The following PCDHGB7 variants were observed in gnomAD, a reference collection of about 807,000 sequenced individuals.
PCDHGB7 encodes the protein protocadherin gamma-B7.
PCDHGB7 carries 37 observed loss-of-function variants against 61.4 expected under a neutral mutation model. That is an observed-to-expected ratio of 0.60 (90% CI 0.46 to 0.79). PCDHGB7 has a LOEUF of 0.79. PCDHGB7 is among the 30% of genes least tolerant of loss of function. The pLI, the probability that PCDHGB7 is intolerant of heterozygous loss-of-function variation, is 0.00. For synonymous variants in PCDHGB7, 464 were observed against 503.5 expected (o/e 0.92, Z 1.05); for missense variants, 1,166 against 1,202.5 (o/e 0.97, Z 0.45).
rs1362880648 is a variant in PCDHGB7, at chr5:141,419,117, G to T, written c.1258G>T (p.Val420Phe). ...TCGGGAGCAGACCCCAGAGTACAAC[G>T]TCACCATCGCAGCCACAGACAGGGG... ...LDREQTPEYN[V>F]TIAATDRGKP... The change falls in exon 1 of 4, where the codon GTC (valine) becomes TTC (phenylalanine). Residue 420 changes from valine (V) to phenylalanine (F), a missense_variant. Physicochemically the swap from Val to Phe is conservative, Grantham distance 50. Coordinates refer to ENST00000398594, the MANE Select transcript of PCDHGB7 (RefSeq NM_018927.4). The T allele has an allele frequency of 6.2e-7, 1 of 1,613,718 alleles. No individual in the cohort carries two copies. The highest frequency in any genetic ancestry group is 1.3e-5 in the African/African-American group (1 of 74,920).
At chr5:141,503,229 T>C (rs986982708) in intron 2 of PCDHGB7, among the ~76,000 whole-genome samples, 1 of 152,080 alleles carries the variant, frequency 6.6e-6, no homozygotes, top group African/African-American at 2.4e-5. Context: ...ACCGTAAAGA[T>C]GGACAGTTTC....
Position 141,485,751 on chromosome 5 carries a change from A to G in PCDHGB7, c.2416-9056A>G. ...CGCAGCGACGGCAGCCTGGTCCCAG[A>G]GCTGCTCCTGGAGAAGCCTTTGGAT... is the stretch of plus-strand genomic sequence containing the variant. On this transcript the variant is annotated intron_variant, in intron 1 of 3. Coordinates refer to ENST00000398594, the MANE Select transcript of PCDHGB7 (RefSeq NM_018927.4). This position sits in a 1 kb window ranked among gnomAD's most constrained non-coding sequence, Gnocchi z 5.7. 6.2e-7 allele frequency: 1 copy of G among 1,614,166 alleles called. No individual in the cohort carries two copies. Among genetic ancestry groups the G allele is most frequent in the Non-Finnish European group, 8.5e-7 (1 of 1,179,998 alleles).
intron 1 of PCDHGB7, 110 bp from the exon 2 acceptor site, chr5:141,494,697 T>C: frequency 6.3e-7 from 1 of 1,590,934 alleles, no homozygotes; most frequent in Non-Finnish European, 8.6e-7. Flanking sequence ...TAGTCCGTTT[T>C]CTTCTCTGTG....
At position 141,486,602 on chromosome 5, in the gene PCDHGB7, C is replaced by T; in HGVS notation, c.2416-8205C>T. The stretch of plus-strand genomic sequence containing the variant: ...TCGCCCAGGGGACCTGCTTTGCTCC[C>T]TTGCAGCCTCTGACCCAGACTCTGG... On this transcript the variant is annotated intron_variant, in intron 1 of 3. Transcript: ENST00000398594. The surrounding 1 kb of genome is among the most constrained non-coding windows in gnomAD (Gnocchi z 5.0). 6.2e-7 allele frequency: 1 copy of T among 1,613,572 alleles called. No homozygotes were observed. Among genetic ancestry groups the T allele is most frequent in the Non-Finnish European group, 8.5e-7 (1 of 1,180,026 alleles).
intron 2 of PCDHGB7, among the ~76,000 whole-genome samples, chr5:141,497,809 G>A (rs1256990692): frequency 1.3e-5 from 2 of 152,190 alleles, no homozygotes. Context: ...CAAAGTGCTA[G>A]AATTACAGGT....
At chr5:141,468,191 G>A (rs1420885521) in intron 1 of PCDHGB7, among the ~76,000 whole-genome samples, 1 of 151,860 alleles carries the variant, frequency 6.6e-6, no homozygotes, top group African/African-American at 2.4e-5. Flanking sequence ...TGGGCATGGT[G>A]GCGGGTGCCT....
chr5:141,477,059 A>T lies in PCDHGB7; in HGVS notation c.2416-17748A>T. The T allele has an allele frequency of 6.2e-7, 1 of 1,614,238 alleles. No homozygotes were observed. Among genetic ancestry groups the T allele is most frequent in the Non-Finnish European group, 8.5e-7 (1 of 1,180,036 alleles). ...CAAGGGTCGGCTGGACTTCGAGGAC[A>T]CCAAACTCCATGAGATTTACATCCA... On this transcript the variant is annotated intron_variant, in intron 1 of 3. Transcript: ENST00000398594. The surrounding 1 kb of genome is among the most constrained non-coding windows in gnomAD (Gnocchi z 4.9).
rs951964805 is a variant in PCDHGB7, at chr5:141,512,109, C to A, written c.*936C>A. The A allele has an allele frequency of 1.0e-4, 16 of 152,656 alleles. No individual in the cohort carries two copies. The highest frequency in any genetic ancestry group is 1.5e-5 in the Non-Finnish European group (1 of 68,058). 9.5% of individuals were successfully genotyped at this position (152,656 alleles called of 1,614,324 possible). Reference sequence around the variant, plus strand: ...ACCAATAACTAGGCTGGACCCTTCCCACTACATAATAGGGCTCAGCCCAGG... The same window carrying A: ...ACCAATAACTAGGCTGGACCCTTCCAACTACATAATAGGGCTCAGCCCAGG... On this transcript the variant is annotated 3_prime_UTR_variant, in exon 4 of 4. Coordinates refer to ENST00000398594, the MANE Select transcript of PCDHGB7 (RefSeq NM_018927.4).
At position 141,477,290 on chromosome 5, in the gene PCDHGB7, C is replaced by T; in HGVS notation, c.2416-17517C>T. 5 of 1,614,158 alleles carry T rather than the reference C, an allele frequency of 3.1e-6. No individual in the cohort carries two copies. In the South Asian group the frequency reaches 5.5e-5, roughly 18 times the overall value. On this transcript the variant is annotated intron_variant, in intron 1 of 3. Coordinates refer to ENST00000398594, the MANE Select transcript of PCDHGB7 (RefSeq NM_018927.4). The surrounding 1 kb of genome is among the most constrained non-coding windows in gnomAD (Gnocchi z 4.9). ...GAACGGGCTGGTGACCTGCGAAGTT[C>T]CACCGGGTCTCCCTTTCAGCCTTAC...
intron 1 of PCDHGB7, among the ~76,000 whole-genome samples, chr5:141,475,625 G>C (rs1172186188): frequency 2.0e-5 from 3 of 152,204 alleles, no homozygotes; most frequent in African/African-American, 7.2e-5. Flanking sequence ...GGTTTGGTTC[G>C]ATCCCCTTTC....
Position 141,490,876 on chromosome 5 carries a change from G to T in PCDHGB7, c.2416-3931G>T. On this transcript the variant is annotated intron_variant, in intron 1 of 3. Coordinates refer to ENST00000398594, the MANE Select transcript of PCDHGB7 (RefSeq NM_018927.4). The surrounding 1 kb of genome is among the most constrained non-coding windows in gnomAD (Gnocchi z 5.4). Reference sequence around the variant, plus strand: ...AGACTCCGGCTCTCCCCCATTGCATGCCAACACATCTCTGCATGTGTTTGT... The same window carrying T: ...AGACTCCGGCTCTCCCCCATTGCATTCCAACACATCTCTGCATGTGTTTGT... 6.2e-7 allele frequency: 1 copy of T among 1,613,840 alleles called. No homozygotes were observed. The highest frequency in any genetic ancestry group is 8.5e-7 in the Non-Finnish European group (1 of 1,179,894).
chr5:141,481,868 C>A (rs983373194), intron 1 of PCDHGB7, among the ~76,000 whole-genome samples: 4 of 147,412 alleles, frequency 2.7e-5, no homozygotes, highest in African/African-American at 1.0e-4. Flanking sequence ...GAGCCGAGAT[C>A]GCGCCACTGC....
chr5:141,469,868 C>T (rs749624047), intron 1 of PCDHGB7, among the ~76,000 whole-genome samples: 6 of 152,228 alleles, frequency 3.9e-5, no homozygotes, highest in Non-Finnish European at 7.3e-5. Flanking sequence ...CAATGGCTCA[C>T]GCCTGTAATC....
chr5:141,431,776 C>T lies in PCDHGB7; in HGVS notation c.2415+11502C>T. 6.2e-7 allele frequency: 1 copy of T among 1,614,228 alleles called. No individual in the cohort carries two copies. The stretch of plus-strand genomic sequence containing the variant: ...CCAAAGTCCTGATCACTGTTCTGGA[C>T]GTGAACGACAATGCCCCAGAAGTGG... On this transcript the variant is annotated intron_variant, in intron 1 of 3. Coordinates refer to ENST00000398594, the MANE Select transcript of PCDHGB7 (RefSeq NM_018927.4). The surrounding 1 kb of genome is among the most constrained non-coding windows in gnomAD (Gnocchi z 4.8).
chr5:141,478,465 C>T (rs768021356), intron 1 of PCDHGB7: 6 of 1,613,730 alleles, frequency 3.7e-6, no homozygotes, highest in Non-Finnish European at 5.1e-6. Context: ...GTCCACTGGC[C>T]AGCCGCCAGA....
chr5:141,431,012 G>A lies in PCDHGB7; in HGVS notation c.2415+10738G>A. On this transcript the variant is annotated intron_variant, in intron 1 of 3. Coordinates refer to ENST00000398594, the MANE Select transcript of PCDHGB7 (RefSeq NM_018927.4). This position sits in a 1 kb window ranked among gnomAD's most constrained non-coding sequence, Gnocchi z 4.8. The stretch of plus-strand genomic sequence containing the variant: ...CCTGAATCCGCGCAGCGGCAGCTTG[G>A]TCACGGCGGGCAGGATAGACCGGGA... 1 of 1,613,314 alleles carries A rather than the reference G, an allele frequency of 6.2e-7. No individual in the cohort carries two copies. Among genetic ancestry groups the A allele is most frequent in the South Asian group, 1.1e-5 (1 of 91,076 alleles).
chr5:141,421,837 G>A, intron 1 of PCDHGB7: 1 of 1,613,782 alleles, frequency 6.2e-7, no homozygotes. Flanking sequence ...CCTGGACCGA[G>A]AGAAAGAGGC....
intron 1 of PCDHGB7, among the ~76,000 whole-genome samples, chr5:141,445,441 C>T (rs1201825256): frequency 6.6e-6 from 1 of 152,152 alleles, no homozygotes; most frequent in Admixed American, 6.6e-5. Context: ...GACCTATGGA[C>T]TAAGGATGCA....
chr5:141,431,658 C>T lies in PCDHGB7; in HGVS notation c.2415+11384C>T, dbSNP rs1283381348. 6.2e-7 allele frequency: 1 copy of T among 1,614,088 alleles called. No individual in the cohort carries two copies. ...TTCAAACTAGATTGTAATTCAGGGA[C>T]AATATCAACAATAGGGGAGTTGGAC... On this transcript the variant is annotated intron_variant, in intron 1 of 3. Transcript: ENST00000398594. The surrounding 1 kb of genome is among the most constrained non-coding windows in gnomAD (Gnocchi z 4.8).
Sources: gnomAD v4.1 joint callset for allele counts (sites outside exome capture counted in the v4.1 genomes callset) on GRCh38, gnomAD v4.1.1 for gene constraint, Gnocchi (gnomAD v3.1) non-coding constraint, MANE v1.5 for transcripts, NCBI Gene and HGNC (gene_info 2026-07-23, HGNC 2026-07-21) for gene names.